The following GCNT2 variants were observed in gnomAD, a reference collection of about 807,000 sequenced individuals.
The protein encoded by GCNT2 is N-acetyllactosaminide beta-1,6-N-acetylglucosaminyl-transferase.
GCNT2 carries 34 observed loss-of-function variants against 34.2 expected under a neutral mutation model. That is an observed-to-expected ratio of 1.00 (90% confidence interval 0.76 to 1.32). The LOEUF (loss-of-function observed/expected upper bound fraction) is 1.32. GCNT2 is among the 40% of genes most tolerant of loss of function. The pLI is 0.00. For missense variants in GCNT2, 584 were observed against 489.4 expected (o/e 1.19, Z -1.82); for synonymous variants, 212 against 188.0 (o/e 1.13, Z -1.04).
At chr6:10,554,318 G>A (rs765958614) in intron 3 of GCNT2, among the ~76,000 whole-genome samples, 1 of 152,130 alleles carries the variant, frequency 6.6e-6, no homozygotes, top group African/African-American at 2.4e-5. Context: ...GAGGAAAATC[G>A]ACTATATTTT....
intron 3 of GCNT2, chr6:10,555,917 A>G: frequency 2.0e-6 from 2 of 1,002,410 alleles, no homozygotes; most frequent in Non-Finnish European, 2.4e-6. Context: ...CTTGCCACGA[A>G]CAACAAGAGA....
chr6:10,626,601 T>C lies in GCNT2; in HGVS notation c.1203T>C (p.Tyr401=), dbSNP rs1314732306. 2 of 1,612,318 alleles carry C rather than the reference T, an allele frequency of 1.2e-6. No homozygotes were observed. Among genetic ancestry groups the C allele is most frequent in the Non-Finnish European group, 1.7e-6 (2 of 1,178,510 alleles). Residue 401 remains tyrosine (Y), a synonymous_variant, in exon 5 of 5, where the codon TAT becomes TAC. Coordinates refer to ENST00000495262, the MANE Select transcript of GCNT2 (RefSeq NM_145649.5). ...QSETAIQPSW[Y]F ...AAACTGCGATACAACCCAGCTGGTA[T>C]TTTTGAGCTATTCATGAGCTACTCA...
intron 3 of GCNT2, chr6:10,557,214 A>G (rs953607658): frequency 1.3e-5 from 20 of 1,584,862 alleles, no homozygotes; most frequent in African/African-American, 2.7e-5. Flanking sequence ...GGCTCTGCCT[A>G]TGTGGCTCTA....
chr6:10,590,715 G>A (rs915885454), intron 3 of GCNT2, among the ~76,000 whole-genome samples: 3 of 151,856 alleles, frequency 2.0e-5, no homozygotes, highest in Non-Finnish European at 2.9e-5. Flanking sequence ...CACCAAGCCC[G>A]GCTAATTTTT....
At chr6:10,525,365 A>G (rs1171022466) in intron 1 of GCNT2, among the ~76,000 whole-genome samples, 1 of 152,180 alleles carries the variant, frequency 6.6e-6, no homozygotes, top group Non-Finnish European at 1.5e-5. Flanking sequence ...AGTGCCTCCG[A>G]CTTAGAATTG....
At chr6:10,573,489 T>C (rs965406191) in intron 3 of GCNT2, among the ~76,000 whole-genome samples, 2 of 152,102 alleles carry the variant, frequency 1.3e-5, no homozygotes, top group Non-Finnish European at 2.9e-5. Flanking sequence ...GCAAGGTAAG[T>C]TGGGGTGGGG....
At chr6:10,538,899 A>G (rs901656625) in intron 3 of GCNT2, among the ~76,000 whole-genome samples, 2 of 152,202 alleles carry the variant, frequency 1.3e-5, no homozygotes, top group African/African-American at 4.8e-5. Context: ...AAACCAAAAA[A>G]TAATGTTTCT....
intron 3 of GCNT2, among the ~76,000 whole-genome samples, chr6:10,572,573 A>T (rs576114890): frequency 6.6e-6 from 1 of 152,094 alleles, no homozygotes; most frequent in Non-Finnish European, 1.5e-5. Context: ...TCTACTAAAA[A>T]TACAAAAAAA....
intron 1 of GCNT2, among the ~76,000 whole-genome samples, chr6:10,527,180 T>C (rs1422492690): frequency 1.3e-5 from 2 of 152,098 alleles, no homozygotes; most frequent in Non-Finnish European, 2.9e-5. Flanking sequence ...TCCCAGCACT[T>C]TGGGAGGCCG....
chr6:10,528,921 T>A lies in GCNT2; in HGVS notation c.10T>A (p.Ser4Thr). 1 of 1,612,738 alleles carries A rather than the reference T, an allele frequency of 6.2e-7. No homozygotes were observed. Among genetic ancestry groups the A allele is most frequent in the Non-Finnish European group, 8.5e-7 (1 of 1,178,816 alleles). Residue 4 changes from serine (S) to threonine (T), a missense_variant, in exon 3 of 5, where the codon TCT (serine) becomes ACT (threonine). Physicochemically the swap from Ser to Thr is moderately conservative, Grantham distance 58 (BLOSUM62 1). Transcript: ENST00000495262. MMG[S>T]WKHCLFSASL... ...CATTTCCTGGTTGTGAATGATGGGC[T>A]CTTGGAAGCACTGTCTTTTTAGCGC...
intron 3 of GCNT2, chr6:10,556,606 A>G (rs756794884): frequency 4.3e-6 from 7 of 1,614,090 alleles, no homozygotes; most frequent in Non-Finnish European, 1.7e-6. Flanking sequence ...TCCTGTGGAA[A>G]AACAAACTAA....
chr6:10,554,779 ATTG>A (rs1355781229), intron 3 of GCNT2, among the ~76,000 whole-genome samples: 3 of 152,130 alleles, frequency 2.0e-5, no homozygotes, highest in Non-Finnish European at 4.4e-5. Flanking sequence ...TTCTCATTGT[ATTG>A]TTTTCTACTT....
intron 3 of GCNT2, among the ~76,000 whole-genome samples, chr6:10,537,698 C>CAAAAAAAAAAAAA (rs201257236): frequency 1.6e-4 from 13 of 83,224 alleles, no homozygotes; most frequent in East Asian, 2.9e-4. Context: ...GATTCTGCCG[C>CAAAAAAAAAAAAA]AAAAAAAAAA....
At chr6:10,545,280 C>A (rs756100241) in intron 3 of GCNT2, among the ~76,000 whole-genome samples, 2 of 152,086 alleles carry the variant, frequency 1.3e-5, no homozygotes, top group Non-Finnish European at 2.9e-5. Context: ...AAGAGCTGTG[C>A]CTTGGCTGTG....
intron 3 of GCNT2, among the ~76,000 whole-genome samples, chr6:10,534,399 A>G (rs1244943673): frequency 6.6e-6 from 1 of 151,496 alleles, no homozygotes; most frequent in Non-Finnish European, 1.5e-5. Flanking sequence ...GCCTCCCAAA[A>G]TGCTGGGATT....
rs528692848 is a variant in GCNT2 at position 10,545,262 on chromosome 6, C to G, written c.925+15426C>G. On this transcript the variant is annotated intron_variant, in intron 3 of 4. Coordinates refer to ENST00000495262, the MANE Select transcript of GCNT2 (RefSeq NM_145649.5). ...TTGCTTTTACTTTTTTGGCTTTTTCCATTTTGCAAGAGCTGTGCCTTGGCT... is the reference window on the plus strand; with the variant it reads ...TTGCTTTTACTTTTTTGGCTTTTTCGATTTTGCAAGAGCTGTGCCTTGGCT... Among the ~76,000 whole-genome samples the G allele has an allele frequency of 7.6e-4, 116 of 151,996 alleles. 2 individuals are homozygous for G. The highest frequency in any genetic ancestry group is 3.4e-3 in the Middle Eastern group (1 of 294).
chr6:10,539,607 T>C (rs957857328), intron 3 of GCNT2, among the ~76,000 whole-genome samples: 1 of 151,476 alleles, frequency 6.6e-6, no homozygotes, highest in Admixed American at 6.6e-5. Flanking sequence ...GTACACAAAC[T>C]ATACCTGGCA....
At chr6:10,582,137 ATGAT>A (rs1764103278) in intron 3 of GCNT2, among the ~76,000 whole-genome samples, 1 of 139,220 alleles carries the variant, frequency 7.2e-6, no homozygotes, top group South Asian at 2.1e-4. Flanking sequence ...AAATGCATAT[ATGAT>A]ATATTCATAT....
chr6:10,626,628 G>C lies in GCNT2; in HGVS notation c.*21G>C. The C allele has an allele frequency of 6.3e-7, 1 of 1,579,138 alleles. No homozygotes were observed. Among genetic ancestry groups the C allele is most frequent in the Non-Finnish European group, 8.7e-7 (1 of 1,148,258 alleles). On this transcript the variant is annotated 3_prime_UTR_variant, in exon 5 of 5. Transcript: ENST00000495262. ...TTTGAGCTATTCATGAGCTACTCATGACTGAAGGGAAACTGCAGCTGGGAA... is the reference window on the plus strand; with the variant it reads ...TTTGAGCTATTCATGAGCTACTCATCACTGAAGGGAAACTGCAGCTGGGAA...
Sources: allele counts gnomAD v4.1 joint callset (sites outside exome capture counted in the v4.1 genomes callset), GRCh38; gene constraint gnomAD v4.1.1; transcripts MANE v1.5; gene names NCBI Gene and HGNC (gene_info 2026-07-23, HGNC 2026-07-21).